Variants in KCNT2 observed in about 807,000 individuals in gnomAD.
KCNT2 encodes potassium channel subfamily T member 2.
KCNT2 carries 67 observed loss-of-function variants against 153.8 expected under a neutral mutation model. That is an observed-to-expected ratio of 0.44 (90% CI 0.36 to 0.53). The LOEUF is 0.53. KCNT2 is among the 20% of genes least tolerant of loss of function. The pLI is 0.00. For missense variants in KCNT2, 975 were observed against 1,354.8 expected (o/e 0.72, Z 4.40); for synonymous variants, 500 against 458.8 (o/e 1.09, Z -1.15).
intron 1 of KCNT2, among the ~76,000 whole-genome samples, chr1:196,546,428 T>A (rs925244533): frequency 8.5e-5 from 13 of 152,160 alleles, no homozygotes; most frequent in African/African-American, 3.1e-4. Context: ...GGCCTCCTAG[T>A]GATAGCAGCC....
chr1:196,584,392 A>G (rs1185174192), intron 1 of KCNT2, among the ~76,000 whole-genome samples: 1 of 152,084 alleles, frequency 6.6e-6, no homozygotes, highest in Non-Finnish European at 1.5e-5. Context: ...CAGTATGAAA[A>G]TGAGCAGCTT....
At chr1:196,336,174 T>G (rs896460637) in intron 16 of KCNT2, among the ~76,000 whole-genome samples, 6 of 152,136 alleles carry the variant, frequency 3.9e-5, no homozygotes, top group Non-Finnish European at 4.4e-5. Flanking sequence ...TACACATAGA[T>G]GATCCTTCCA....
intron 1 of KCNT2, among the ~76,000 whole-genome samples, chr1:196,536,725 G>T (rs900892867): frequency 6.6e-6 from 1 of 152,130 alleles, no homozygotes; most frequent in African/African-American, 2.4e-5. Flanking sequence ...TCGCCACTGG[G>T]TAAGTCATCC....
intron 22 of KCNT2, among the ~76,000 whole-genome samples, chr1:196,301,879 A>G (rs1409002841): frequency 6.6e-6 from 1 of 152,104 alleles, no homozygotes; most frequent in Admixed American, 6.5e-5. Flanking sequence ...AGCTGGGACT[A>G]CAGGTGCACA....
intron 16 of KCNT2, among the ~76,000 whole-genome samples, chr1:196,336,064 A>AT (rs955947438): frequency 1.3e-5 from 2 of 152,076 alleles, no homozygotes; most frequent in Non-Finnish European, 2.9e-5. Flanking sequence ...CATGTTCCCC[A>AT]TATCTATACC....
chr1:196,228,437 G>C, intron 27 of KCNT2, 102 bp from the exon 28 acceptor site: 4 of 680,594 alleles, frequency 5.9e-6, no homozygotes, highest in Non-Finnish European at 9.9e-6. Context: ...TCAGTTTTCA[G>C]ATTATCTAAA....
intron 25 of KCNT2, among the ~76,000 whole-genome samples, chr1:196,277,178 C>T (rs1249749802): frequency 6.6e-6 from 1 of 151,988 alleles, no homozygotes; most frequent in Non-Finnish European, 1.5e-5. Context: ...CAATAACTTC[C>T]TGAACTTCAT....
chr1:196,389,171 C>A lies in KCNT2; in HGVS notation c.1294+9392G>T, dbSNP rs76834213. Among the ~76,000 whole-genome samples the A allele has an allele frequency of 3.0e-4, 46 of 151,736 alleles. No homozygotes were observed. In the East Asian group the frequency reaches 8.5e-3, roughly 28 times the overall value. ...TTTAAATGTTATATGACTATTGTAA[C>A]CTTGGGATAAACCCAACTAGGTAAC... On this transcript the variant is annotated intron_variant, in intron 13 of 27. Transcript: ENST00000294725.
rs186160453 is a variant in KCNT2 at position 196,363,077 on chromosome 1, G to C, written c.1403+10063C>G. On this transcript the variant is annotated intron_variant, in intron 14 of 27. Coordinates refer to ENST00000294725, the MANE Select transcript of KCNT2 (RefSeq NM_198503.5). ...TTATTACTGTAGTGTTTGCCTAATGGTGACTTCATATTTTTCTCTTTCCTT... is the reference window on the plus strand; with the variant it reads ...TTATTACTGTAGTGTTTGCCTAATGCTGACTTCATATTTTTCTCTTTCCTT... Among the ~76,000 whole-genome samples, 15 of 152,072 alleles carry C rather than the reference G, an allele frequency of 9.9e-5. No homozygotes were observed. The East Asian group carries it at 2.9e-3, about 29-fold the overall frequency.
intron 25 of KCNT2, among the ~76,000 whole-genome samples, chr1:196,274,342 T>G (rs1042149702): frequency 6.6e-6 from 1 of 151,674 alleles, no homozygotes; most frequent in Non-Finnish European, 1.5e-5. Flanking sequence ...GTTAGTATTA[T>G]AAGTATTATA....
chr1:196,551,276 G>A (rs1657863046), intron 1 of KCNT2, among the ~76,000 whole-genome samples: 1 of 151,776 alleles, frequency 6.6e-6, no homozygotes. Context: ...AGCTGTATTT[G>A]TTTTGGTTTG....
At chr1:196,567,539 G>C (rs546206512) in intron 1 of KCNT2, among the ~76,000 whole-genome samples, 4 of 152,130 alleles carry the variant, frequency 2.6e-5, no homozygotes, top group Admixed American at 1.3e-4. Context: ...CAAAAGATGA[G>C]GTCCAGAGAA....
intron 20 of KCNT2, among the ~76,000 whole-genome samples, chr1:196,319,144 G>A (rs755453125): frequency 6.6e-6 from 1 of 151,586 alleles, no homozygotes; most frequent in Admixed American, 6.6e-5. Flanking sequence ...TTATCGTAAC[G>A]CTATCAATGC....
At chr1:196,536,439 C>A (rs762844988) in intron 1 of KCNT2, among the ~76,000 whole-genome samples, 13 of 152,222 alleles carry the variant, frequency 8.5e-5, no homozygotes, top group Non-Finnish European at 1.5e-4. Flanking sequence ...ACACTGTCCA[C>A]TTCCAGTTTC....
intron 1 of KCNT2, among the ~76,000 whole-genome samples, chr1:196,499,962 G>A (rs1198443368): frequency 1.3e-5 from 2 of 151,856 alleles, no homozygotes; most frequent in African/African-American, 4.8e-5. Context: ...TGGCTAAAAT[G>A]GTGAAACCCC....
rs1034152087 is a variant in KCNT2 at position 196,315,605 on chromosome 1, A to G, written c.2483+287T>C. 5.9e-5 allele frequency among the ~76,000 whole-genome samples: 9 copies of G among 151,670 alleles called. No homozygotes were observed. In the Admixed American group the frequency reaches 5.9e-4, roughly 10 times the overall value. The stretch of plus-strand genomic sequence containing the variant: ...GAACATGGGCTGCTTGTCAAAACTC[A>G]TGACTACTAGTACACATGATTTTCA... On this transcript the variant is annotated intron_variant, in intron 21 of 27. Transcript: ENST00000294725.
chr1:196,559,741 T>A (rs1049325337), intron 1 of KCNT2, among the ~76,000 whole-genome samples: 5 of 151,822 alleles, frequency 3.3e-5, no homozygotes, highest in African/African-American at 1.2e-4. Context: ...CTTTCTGTGG[T>A]TAGAATATAT....
At chr1:196,366,237 G>A (rs1036180450) in intron 14 of KCNT2, among the ~76,000 whole-genome samples, 28 of 151,228 alleles carry the variant, frequency 1.9e-4, no homozygotes, top group African/African-American at 5.8e-4. Context: ...TCAGCTCACC[G>A]CAGCCTCTGC....
intron 1 of KCNT2, among the ~76,000 whole-genome samples, chr1:196,559,577 C>A (rs1425608045): frequency 6.6e-6 from 1 of 151,692 alleles, no homozygotes; most frequent in Non-Finnish European, 1.5e-5. Context: ...TTTACCTTCC[C>A]ATTAGCAAAG....
Sources: gnomAD v4.1 joint callset for allele counts (sites outside exome capture counted in the v4.1 genomes callset) on GRCh38, gnomAD v4.1.1 for gene constraint, MANE v1.5 for transcripts, NCBI Gene and HGNC (gene_info 2026-07-23, HGNC 2026-07-21) for gene names.